Variants in NRXN2 observed in about 807,000 individuals in gnomAD.
The protein encoded by NRXN2 is neurexin-2-beta.
NRXN2 carries 29 observed loss-of-function variants against 128.8 expected under a neutral mutation model. That is an observed-to-expected ratio of 0.23 (90% CI 0.17 to 0.31). NRXN2 has a LOEUF of 0.31. NRXN2 is among the 10% of genes least tolerant of loss of function. The pLI is 1.00. For synonymous variants in NRXN2, 1,098 were observed against 1,075.2 expected, an observed-to-expected ratio of 1.02 and a Z score of -0.41; for missense variants, 1,881 against 2,452.6, an observed-to-expected ratio of 0.77 and a Z score of 4.92.
At chr11:64,704,955 G>C (rs2056070042) in intron 2 of NRXN2, among the ~76,000 whole-genome samples, 1 of 152,170 alleles carries the variant, frequency 6.6e-6, no homozygotes, top group South Asian at 2.1e-4. Flanking sequence ...TGTTAAATGT[G>C]GGTTAGTTGT....
At chr11:64,637,909 A>T (rs2045008247) in intron 17 of NRXN2, among the ~76,000 whole-genome samples, 1 of 152,212 alleles carries the variant, frequency 6.6e-6, no homozygotes, top group African/African-American at 2.4e-5. Flanking sequence ...CCCACTGGGC[A>T]GGCAGTGAGG....
rs536311598 is a variant in NRXN2, at chr11:64,645,672, G to A, written c.3403+2547C>T. Among the ~76,000 whole-genome samples the A allele has an allele frequency of 3.3e-5, 5 of 152,172 alleles. No homozygotes were observed. In the East Asian group the frequency reaches 9.7e-4, roughly 29 times the overall value. ...CTCATAAGCCTTAAAGGAACACAAAGTCCCCTCCACCCCCAGGAGTAGTCC... is the reference window on the plus strand; with the variant it reads ...CTCATAAGCCTTAAAGGAACACAAAATCCCCTCCACCCCCAGGAGTAGTCC... On this transcript the variant is annotated intron_variant, in intron 17 of 22. Coordinates refer to ENST00000265459, the MANE Select transcript of NRXN2 (RefSeq NM_015080.4).
intron 22 of NRXN2, 42 bp downstream of exon 22, chr11:64,620,252 C>T (rs768460038): frequency 1.2e-5 from 18 of 1,481,730 alleles, no homozygotes; most frequent in East Asian, 4.9e-5. Context: ...CCAGCAGCAT[C>T]GCAGAGGGAC....
rs778741995 is a variant in NRXN2 at position 64,690,384 on chromosome 11, G to A, written c.850+21C>T. On this transcript the variant is annotated intron_variant, in intron 5 of 22. Coordinates refer to ENST00000265459, the MANE Select transcript of NRXN2 (RefSeq NM_015080.4). ...AGCAGGATGAGGGCTGGGCTCTCTG[G>A]GGACCATGGGGGTCACTGACCTTTT... 5.6e-6 allele frequency: 9 copies of A among 1,607,720 alleles called. No homozygotes were observed. The Admixed American group carries it at 6.8e-5, about 12-fold the overall frequency.
Position 64,690,418 on chromosome 11 carries a change from G to C in NRXN2, c.837C>G (p.His279Gln). The C allele has an allele frequency of 6.2e-7, 1 of 1,613,130 alleles. No homozygotes were observed. Among genetic ancestry groups the C allele is most frequent in the Non-Finnish European group, 8.5e-7 (1 of 1,179,762 alleles). ...GGGGTCACTGACCTTTTGTTGGCTG[G>C]TGCACATCGCCGGCTCCTCCTCTCC... is the stretch of plus-strand genomic sequence containing the variant. ...GAGRGGAGDVHQPTKGKEEFV... is the reference protein window; with the variant it reads ...GAGRGGAGDVQQPTKGKEEFV... Residue 279 changes from histidine to glutamine, a missense_variant, in exon 5 of 23, where the codon CAC becomes CAG. Around this residue, in one of 7 missense-constraint regions of NRXN2, gnomAD observed 997 missense variants for 1,240.8 expected, o/e 0.80. Transcript: ENST00000265459.
intron 1 of NRXN2, among the ~76,000 whole-genome samples, chr11:64,718,233 C>T (rs1328000856): frequency 6.6e-6 from 1 of 152,092 alleles, no homozygotes; most frequent in Non-Finnish European, 1.5e-5. Context: ...AAGCAGAGCC[C>T]CTGGCCAGGG....
intron 1 of NRXN2, among the ~76,000 whole-genome samples, chr11:64,717,073 T>C (rs531162453): frequency 3.3e-5 from 5 of 152,112 alleles, no homozygotes; most frequent in Non-Finnish European, 7.4e-5. Context: ...GCAGCAACCC[T>C]TTCTCCAGAG....
At chr11:64,619,942 G>A (rs1226595766) in intron 22 of NRXN2, among the ~76,000 whole-genome samples, 1 of 152,114 alleles carries the variant, frequency 6.6e-6, no homozygotes, top group Admixed American at 6.5e-5. Context: ...ACTGATGGGA[G>A]TTGTAGTTCC....
chr11:64,702,987 A>G (rs1205353589), intron 2 of NRXN2, among the ~76,000 whole-genome samples: 3 of 150,348 alleles, frequency 2.0e-5, no homozygotes, highest in Non-Finnish European at 3.0e-5. Flanking sequence ...AAAAAAAAAA[A>G]AAAAAAAGAA....
At position 64,651,448 on chromosome 11, in the gene NRXN2, G is replaced by A. The variant is rs1355123800; in HGVS notation, c.2725C>T (p.Arg909Cys). The change falls in exon 14 of 23, where the codon CGC (arginine) becomes TGC (cysteine). Residue 909 changes from arginine to cysteine, a missense_variant. By Grantham distance (180) the Arg-to-Cys change is radical (BLOSUM62 -3). Transcript: ENST00000265459. This position sits in a 1 kb window ranked among gnomAD's most constrained non-coding sequence, Gnocchi z 5.9. ...GDITYCELNA[R>C]FGLRAIVADP... ...GCCACGATGGCACGCAGGCCAAAGC[G>A]AGCATTGAGCTCACAGTAGGTGATG... The A allele has an allele frequency of 5.0e-6, 8 of 1,614,192 alleles. No individual in the cohort carries two copies. Among genetic ancestry groups the A allele is most frequent in the Middle Eastern group, 1.6e-4 (1 of 6,062 alleles).
At chr11:64,686,497 AG>A (rs1203251643) in intron 5 of NRXN2, among the ~76,000 whole-genome samples, 1 of 152,178 alleles carries the variant, frequency 6.6e-6, no homozygotes, top group East Asian at 1.9e-4. Context: ...TTGTGCAGCA[AG>A]GAGCAGATGA....
Position 64,632,193 on chromosome 11 carries a change from T to C in NRXN2, c.3586-1620A>G, listed in dbSNP as rs1377572842. On this transcript the variant is annotated intron_variant, in intron 18 of 22. Coordinates refer to ENST00000265459, the MANE Select transcript of NRXN2 (RefSeq NM_015080.4). The surrounding 1 kb of genome is among the most constrained non-coding windows in gnomAD (Gnocchi z 4.2). ...GCAGCTGTGGCTCAGGAGACCCATG[T>C]CCTATCCCTTCCCACTTGTGGGGTC... Among the ~76,000 whole-genome samples, 2 of 152,164 alleles carry C rather than the reference T, an allele frequency of 1.3e-5. No homozygotes were observed. Among genetic ancestry groups the C allele is most frequent in the Non-Finnish European group, 2.9e-5 (2 of 68,020 alleles).
intron 22 of NRXN2, among the ~76,000 whole-genome samples, chr11:64,611,706 C>T (rs768994081): frequency 1.3e-5 from 2 of 152,230 alleles, no homozygotes; most frequent in African/African-American, 2.4e-5. Flanking sequence ...CTGCAGCCTT[C>T]CTCTGCCCCC....
At chr11:64,643,641 G>A (rs909274719) in intron 17 of NRXN2, among the ~76,000 whole-genome samples, 1 of 150,088 alleles carries the variant, frequency 6.7e-6, no homozygotes, top group African/African-American at 2.5e-5. Flanking sequence ...GGAGGAGGAG[G>A]GGGCAGGGCG....
intron 1 of NRXN2, 32 bp downstream of exon 1, chr11:64,722,939 T>G (rs1000737572): frequency 4.6e-5 from 1 of 21,720 alleles, no homozygotes. Context: ...CCCGCCCGTC[T>G]CCGCCGCAGC....
intron 6 of NRXN2, among the ~76,000 whole-genome samples, chr11:64,680,814 G>A (rs2052133154): frequency 6.6e-6 from 1 of 152,082 alleles, no homozygotes; most frequent in Non-Finnish European, 1.5e-5. Flanking sequence ...AAGTGAATTA[G>A]GCTCAGGCAC....
intron 18 of NRXN2, among the ~76,000 whole-genome samples, chr11:64,634,405 A>G (rs144607434): frequency 6.6e-6 from 1 of 152,288 alleles, no homozygotes; most frequent in Non-Finnish European, 1.5e-5. Context: ...GGAAGGGTGT[A>G]GGGCAGAGCC....
intron 4 of NRXN2, among the ~76,000 whole-genome samples, chr11:64,691,127 C>A (rs1235391384): frequency 5.3e-5 from 8 of 152,218 alleles, no homozygotes; most frequent in Non-Finnish European, 1.2e-4. Flanking sequence ...CCAGTTAGAC[C>A]CTGGAGCTTC....
chr11:64,665,293 G>C (rs1224749508), intron 9 of NRXN2, among the ~76,000 whole-genome samples: 2 of 145,996 alleles, frequency 1.4e-5, no homozygotes, highest in African/African-American at 5.5e-5. Flanking sequence ...AAAAAAAAAA[G>C]AAAGAAAGAA....
Sources: gnomAD v4.1 joint callset for allele counts (sites outside exome capture counted in the v4.1 genomes callset) on GRCh38, gnomAD v4.1.1 for gene constraint, gnomAD v4.1.1 regional missense constraint, Gnocchi (gnomAD v3.1) non-coding constraint, MANE v1.5 for transcripts, NCBI Gene and HGNC (gene_info 2026-07-23, HGNC 2026-07-21) for gene names.